LMNTD1: variants seen among roughly 807,000 people sequenced by gnomAD.
LMNTD1 encodes the protein lamin tail domain containing 1, also known as lamin tail domain-containing protein 1.
In LMNTD1, 35 loss-of-function variants were observed where a neutral mutation model predicts 50.9. The observed-to-expected ratio is 0.69, with a 90% CI of 0.53 to 0.91. LMNTD1 has a LOEUF of 0.91. LMNTD1 is among the 40% of genes least tolerant of loss of function. The pLI is 0.00. For synonymous variants in LMNTD1, 153 were observed against 161.9 expected, an observed-to-expected ratio of 0.94 and a Z score of 0.42; for missense variants, 470 against 475.5, an observed-to-expected ratio of 0.99 and a Z score of 0.11.
intron 1 of LMNTD1, among the ~76,000 whole-genome samples, chr12:25,587,014 A>G: frequency 6.6e-6 from 1 of 152,146 alleles, no homozygotes; most frequent in South Asian, 2.1e-4. Flanking sequence ...CACTTAACCC[A>G]TTGTAAGCTC....
At chr12:25,492,926 T>G (rs1938933853) in intron 9 of LMNTD1, among the ~76,000 whole-genome samples, 1 of 152,210 alleles carries the variant, frequency 6.6e-6, no homozygotes, top group Non-Finnish European at 1.5e-5. Context: ...TTCCATATTC[T>G]AAACGTACCA....
chr12:25,601,605 C>G (rs1446316746), intron 1 of LMNTD1, among the ~76,000 whole-genome samples: 2 of 151,604 alleles, frequency 1.3e-5, no homozygotes, highest in Non-Finnish European at 2.9e-5. Flanking sequence ...TACTATGTAC[C>G]CACAAAAATT....
At chr12:25,529,297 C>T (rs1254414424) in intron 4 of LMNTD1, among the ~76,000 whole-genome samples, 1 of 152,154 alleles carries the variant, frequency 6.6e-6, no homozygotes, top group Non-Finnish European at 1.5e-5. Context: ...TATCCATGAA[C>T]AGTGTTTACT....
intron 1 of LMNTD1, among the ~76,000 whole-genome samples, chr12:25,609,756 GC>G (rs1302106749): frequency 6.6e-6 from 1 of 152,212 alleles, no homozygotes; most frequent in Admixed American, 6.5e-5. Context: ...GTGTCAGTCA[GC>G]CCCTACTGGG....
chr12:25,559,751 G>A (rs1944208850), intron 1 of LMNTD1, among the ~76,000 whole-genome samples: 1 of 152,206 alleles, frequency 6.6e-6, no homozygotes, highest in Non-Finnish European at 1.5e-5. Context: ...ACTGGTGTGA[G>A]ATGGTATCTC....
At chr12:25,614,905 A>G (rs1946320131) in intron 1 of LMNTD1, among the ~76,000 whole-genome samples, 1 of 152,142 alleles carries the variant, frequency 6.6e-6, no homozygotes, top group South Asian at 2.1e-4. Flanking sequence ...CTGTTTTCAC[A>G]CTGTCTTCCC....
chr12:25,609,321 C>A (rs1400551285), intron 1 of LMNTD1, among the ~76,000 whole-genome samples: 1 of 152,210 alleles, frequency 6.6e-6, no homozygotes, highest in Admixed American at 6.5e-5. Flanking sequence ...AAGCCTACTT[C>A]TGTCAACTTG....
intron 1 of LMNTD1, among the ~76,000 whole-genome samples, chr12:25,604,796 TG>T (rs1260374401): frequency 6.6e-6 from 1 of 152,152 alleles, no homozygotes; most frequent in African/African-American, 2.4e-5. Flanking sequence ...TGAACAGCGC[TG>T]CAATAAACAT....
intron 1 of LMNTD1, among the ~76,000 whole-genome samples, chr12:25,630,113 C>T (rs1398205897): frequency 6.6e-6 from 1 of 152,134 alleles, no homozygotes; most frequent in Non-Finnish European, 1.5e-5. Context: ...GGTGCCTGCA[C>T]ATGCTCAAGA....
Position 25,546,452 on chromosome 12 carries a change from G to A in LMNTD1, c.413C>T (p.Thr138Ile). 1 of 1,601,890 alleles carries A rather than the reference G, an allele frequency of 6.2e-7. No homozygotes were observed. Among genetic ancestry groups the A allele is most frequent in the Non-Finnish European group, 8.5e-7 (1 of 1,172,872 alleles). ...TTTCTGAGTGTAGTTTGAGTGTGCT[G>A]TAAGTTTCTTTGAATCACCAAACAA... The part of the protein sequence containing the change: ...LSLFGDSKKL[T>I]AHSNYTQKTL... The change falls in exon 4 of 10, where the codon ACA becomes ATA. Residue 138 changes from threonine to isoleucine, a missense_variant. By Grantham distance (89) the Thr-to-Ile change is moderately conservative. Coordinates refer to ENST00000458174, the MANE Select transcript of LMNTD1 (RefSeq NM_001145728.2).
chr12:25,525,904 A>G (rs1276694653), intron 6 of LMNTD1, among the ~76,000 whole-genome samples, 195 bp downstream of exon 6: 2 of 152,122 alleles, frequency 1.3e-5, no homozygotes, highest in Admixed American at 1.3e-4. Flanking sequence ...GCTCCCCCAA[A>G]ACGACTGAAA....
intron 9 of LMNTD1, among the ~76,000 whole-genome samples, chr12:25,501,350 A>G (rs1468995014): frequency 2.0e-5 from 3 of 152,144 alleles, no homozygotes; most frequent in Admixed American, 6.5e-5. Flanking sequence ...TAAATTAGCA[A>G]TTTTAGAAGT....
chr12:25,636,624 A>T (rs1946841134), intron 1 of LMNTD1, among the ~76,000 whole-genome samples: 1 of 152,208 alleles, frequency 6.6e-6, no homozygotes. Flanking sequence ...TAGCAATCTC[A>T]CTACTGGGTA....
At chr12:25,526,294 A>G in intron 5 of LMNTD1, 76 bp from the exon 6 acceptor site, 3 of 1,389,558 alleles carry the variant, frequency 2.2e-6, no homozygotes, top group South Asian at 2.7e-5. Context: ...TTACTCCAAC[A>G]TAATCTTTCT....
chr12:25,618,606 A>T lies in LMNTD1; in HGVS notation c.58+29888T>A, dbSNP rs546014111. On this transcript the variant is annotated intron_variant, in intron 1 of 7. Transcript: ENST00000445693. The stretch of plus-strand genomic sequence containing the variant: ...TGATGAGACTGTGGGAGGGGCTGGC[A>T]TTAGCACATTTAGGCCTGGAAAGGA... Among the ~76,000 whole-genome samples, 15 of 152,284 alleles carry T rather than the reference A, an allele frequency of 9.9e-5. No individual in the cohort carries two copies. The East Asian group carries it at 2.9e-3, about 29-fold the overall frequency.
intron 8 of LMNTD1, among the ~76,000 whole-genome samples, chr12:25,513,968 G>GT (rs1199656438): frequency 2.1e-5 from 3 of 144,578 alleles, no homozygotes; most frequent in Non-Finnish European, 4.5e-5. Context: ...TATCATAAAG[G>GT]TATCAACTCT....
At chr12:25,634,089 G>A (rs1160435076) in intron 1 of LMNTD1, among the ~76,000 whole-genome samples, 1 of 152,006 alleles carries the variant, frequency 6.6e-6, no homozygotes, top group Non-Finnish European at 1.5e-5. Flanking sequence ...CAGAAGAGAA[G>A]GATAAATTCT....
intron 1 of LMNTD1, among the ~76,000 whole-genome samples, chr12:25,599,931 A>G (rs1322800997): frequency 6.6e-6 from 1 of 152,068 alleles, no homozygotes. Context: ...CATTCTACAC[A>G]GAAATAGAAA....
intron 1 of LMNTD1, among the ~76,000 whole-genome samples, chr12:25,617,721 G>A (rs906582336): frequency 1.1e-4 from 17 of 152,176 alleles, no homozygotes; most frequent in African/African-American, 3.9e-4. Flanking sequence ...TGATCATGAT[G>A]GGAAGACAGA....
Sources: allele counts gnomAD v4.1 joint callset (sites outside exome capture counted in the v4.1 genomes callset), GRCh38; gene constraint gnomAD v4.1.1; transcripts MANE v1.5; gene names NCBI Gene and HGNC (gene_info 2026-07-23, HGNC 2026-07-21).